SORCS2: variants seen among roughly 807,000 people sequenced by gnomAD.
SORCS2 encodes sortilin related VPS10 domain containing receptor 2.
SORCS2 carries 100 observed loss-of-function variants against 141.6 expected under a neutral mutation model. The observed-to-expected ratio is 0.71, with a 90% CI of 0.60 to 0.83. The LOEUF (loss-of-function observed/expected upper bound fraction) is 0.83. SORCS2 is among the 40% of genes least tolerant of loss of function. The pLI is 0.00. For synonymous variants in SORCS2, 789 were observed against 676.9 expected, an observed-to-expected ratio of 1.17 and a Z score of -2.57; for missense variants, 1,646 against 1,560.2, an observed-to-expected ratio of 1.05 and a Z score of -0.93.
At chr4:7,311,370 T>G (rs1718173927) in intron 1 of SORCS2, among the ~76,000 whole-genome samples, 1 of 152,250 alleles carries the variant, frequency 6.6e-6, no homozygotes, top group Admixed American at 6.5e-5. Flanking sequence ...ATGAAGCTGC[T>G]GCCAACACTC....
At chr4:7,502,125 TG>T (rs1577666286) in intron 2 of SORCS2, among the ~76,000 whole-genome samples, 1 of 150,928 alleles carries the variant, frequency 6.6e-6, no homozygotes, top group East Asian at 2.0e-4. Flanking sequence ...GTGGCTGGGG[TG>T]GTTGTCTCAT....
chr4:7,435,123 C>G (rs1727211419), intron 2 of SORCS2: 1 of 541,630 alleles, frequency 1.8e-6, no homozygotes. Flanking sequence ...GTTTTCTGAG[C>G]CTAGCTGATA....
At chr4:7,511,479 GA>G (rs1387562887) in intron 2 of SORCS2, among the ~76,000 whole-genome samples, 29 of 150,196 alleles carry the variant, frequency 1.9e-4, no homozygotes, top group African/African-American at 6.4e-4. Context: ...CAACTTGGGG[GA>G]GGGGGGGTGG....
intron 1 of SORCS2, among the ~76,000 whole-genome samples, chr4:7,243,669 C>G (rs996070818): frequency 6.6e-6 from 1 of 152,248 alleles, no homozygotes; most frequent in Non-Finnish European, 1.5e-5. Context: ...AGAAGGCCAG[C>G]GGGTGGTCGT....
intron 2 of SORCS2, among the ~76,000 whole-genome samples, chr4:7,512,974 A>C (rs1732755615): frequency 6.6e-6 from 1 of 152,068 alleles, no homozygotes; most frequent in South Asian, 2.1e-4. Flanking sequence ...GGGAAAGGAG[A>C]GGCTGTAGGA....
At chr4:7,593,545 G>A (rs1483919738) in intron 3 of SORCS2, among the ~76,000 whole-genome samples, 1 of 152,098 alleles carries the variant, frequency 6.6e-6, no homozygotes, top group Non-Finnish European at 1.5e-5. Flanking sequence ...ACACTCTCAT[G>A]TTCCAGGCAG....
chr4:7,356,548 A>G (rs1005324862), intron 1 of SORCS2, among the ~76,000 whole-genome samples: 1 of 152,192 alleles, frequency 6.6e-6, no homozygotes, highest in Non-Finnish European at 1.5e-5. Flanking sequence ...TTATGAGGGC[A>G]CAGATCCACT....
At chr4:7,393,046 C>T (rs1342105575) in intron 1 of SORCS2, among the ~76,000 whole-genome samples, 1 of 152,168 alleles carries the variant, frequency 6.6e-6, no homozygotes, top group African/African-American at 2.4e-5. Flanking sequence ...GCACTGCCTT[C>T]CCCACGGCCG....
intron 2 of SORCS2, among the ~76,000 whole-genome samples, chr4:7,452,565 C>A (rs1479646766): frequency 6.6e-6 from 1 of 152,244 alleles, no homozygotes; most frequent in African/African-American, 2.4e-5. Context: ...CCCCAGCCTT[C>A]TGTAAGCTAT....
intron 3 of SORCS2, among the ~76,000 whole-genome samples, chr4:7,600,656 TACACACAC>T (rs57789330): frequency 0.011 from 1,492 of 140,940 alleles, 12 homozygotes; most frequent in African/African-American, 0.016. Context: ...CATATATATA[TACACACAC>T]ACACACACAC....
chr4:7,587,782 T>C (rs11943985), intron 3 of SORCS2, among the ~76,000 whole-genome samples: 101,508 of 152,082 alleles, frequency 0.67, 34,641 homozygotes, highest in Middle Eastern at 0.71. Context: ...TCTTTCCAGC[T>C]GCAGGGCCTG....
At chr4:7,304,344 G>C (rs115251660) in intron 1 of SORCS2, among the ~76,000 whole-genome samples, 1 of 152,142 alleles carries the variant, frequency 6.6e-6, no homozygotes, top group African/African-American at 2.4e-5. Context: ...CCCTCTGTCT[G>C]TCCTTCTGCC....
At chr4:7,709,842 G>T (rs1266481407) in intron 14 of SORCS2, among the ~76,000 whole-genome samples, 1 of 152,140 alleles carries the variant, frequency 6.6e-6, no homozygotes, top group East Asian at 1.9e-4. Context: ...AGCAGGGAGG[G>T]GTCCCCAGGC....
At chr4:7,351,976 C>A (rs752111646) in intron 1 of SORCS2, among the ~76,000 whole-genome samples, 11 of 152,044 alleles carry the variant, frequency 7.2e-5, no homozygotes, top group African/African-American at 2.2e-4. Context: ...CCTCGCCTGT[C>A]CATCTATCAT....
intron 11 of SORCS2, among the ~76,000 whole-genome samples, chr4:7,690,601 A>T (rs1357388115): frequency 6.7e-6 from 1 of 149,874 alleles, no homozygotes; most frequent in Non-Finnish European, 1.5e-5. Flanking sequence ...TGGATGGGTG[A>T]GTGGATGGAT....
intron 1 of SORCS2, among the ~76,000 whole-genome samples, chr4:7,374,476 G>A (rs1032437432): frequency 6.6e-6 from 1 of 152,134 alleles, no homozygotes; most frequent in African/African-American, 2.4e-5. Context: ...GGCAGCATTG[G>A]CAGCAGCCCT....
At chr4:7,527,351 C>T (rs62280208) in intron 2 of SORCS2, among the ~76,000 whole-genome samples, 7,024 of 152,302 alleles carry the variant, frequency 0.046, 213 homozygotes, top group South Asian at 0.072. Context: ...GGATTGTCCT[C>T]GTGGGGCCTT....
At chr4:7,683,248 CGG>C (rs1560480812) in intron 10 of SORCS2, among the ~76,000 whole-genome samples, 2 of 83,376 alleles carry the variant, frequency 2.4e-5, no homozygotes, top group African/African-American at 1.2e-4. Flanking sequence ...ATCAGCTGAG[CGG>C]CTCTGCTGAC....
chr4:7,579,586 C>G (rs10755155), intron 3 of SORCS2, among the ~76,000 whole-genome samples: 1 of 152,074 alleles, frequency 6.6e-6, no homozygotes, highest in Non-Finnish European at 1.5e-5. Context: ...AGGGCCTGGT[C>G]CAAGTATCCC....
Sources: gnomAD v4.1 joint callset for allele counts (sites outside exome capture counted in the v4.1 genomes callset) on GRCh38, gnomAD v4.1.1 for gene constraint, MANE v1.5 for transcripts, NCBI Gene and HGNC (gene_info 2026-07-23, HGNC 2026-07-21) for gene names.